TIAM1: variants seen among roughly 807,000 people sequenced by gnomAD.
TIAM1 encodes rho guanine nucleotide exchange factor TIAM1.
A neutral mutation model predicts 163.5 loss-of-function variants in TIAM1; 65 were observed. The observed-to-expected ratio is 0.40, with a 90% CI of 0.33 to 0.49. TIAM1 has a LOEUF of 0.49. TIAM1 is among the 20% of genes least tolerant of loss of function. The pLI is 0.77. For synonymous variants in TIAM1, 833 were observed against 810.1 expected (o/e 1.03, Z -0.48); for missense variants, 1,789 against 2,044.7 (o/e 0.87, Z 2.41).
At chr21:31,267,117 C>G in intron 3 of TIAM1, 134 bp from the exon 4 acceptor site, 1 of 1,257,522 alleles carries the variant, frequency 8.0e-7, no homozygotes, top group South Asian at 1.6e-5. Context: ...AGTAACAGCA[C>G]AACTTCCTAT....
At chr21:31,511,273 A>G (rs965489028) in intron 1 of TIAM1, among the ~76,000 whole-genome samples, 1 of 152,226 alleles carries the variant, frequency 6.6e-6, no homozygotes, top group Admixed American at 6.5e-5. Context: ...GCTGGGCACT[A>G]AAGGTTCAGA....
At chr21:31,529,312 A>C (rs2047900292) in intron 1 of TIAM1, among the ~76,000 whole-genome samples, 1 of 152,124 alleles carries the variant, frequency 6.6e-6, no homozygotes, top group Non-Finnish European at 1.5e-5. Context: ...AAAGCCCTCC[A>C]TCCTATTAGG....
intron 2 of TIAM1, among the ~76,000 whole-genome samples, chr21:31,425,657 CTT>C (rs2043763417): frequency 1.1e-5 from 1 of 94,040 alleles, no homozygotes; most frequent in African/African-American, 4.3e-5. Context: ...CTCTTTCTTT[CTT>C]TCTCTCTCTC....
At chr21:31,518,941 T>A (rs2047473597) in intron 1 of TIAM1, among the ~76,000 whole-genome samples, 1 of 152,266 alleles carries the variant, frequency 6.6e-6, no homozygotes, top group Non-Finnish European at 1.5e-5. Context: ...ACGCCTGTAA[T>A]CCCAACACTT....
At chr21:31,437,516 A>AAAAAAAAAAAAAG (rs553022193) in intron 2 of TIAM1, among the ~76,000 whole-genome samples, 27 of 150,984 alleles carry the variant, frequency 1.8e-4, no homozygotes, top group African/African-American at 6.4e-4. Context: ...AAAAAAAAAA[A>AAAAAAAAAAAAAG]GCAACTACAT....
At chr21:31,306,984 A>T (rs2146974110) in intron 2 of TIAM1, among the ~76,000 whole-genome samples, 1 of 152,346 alleles carries the variant, frequency 6.6e-6, no homozygotes, top group Admixed American at 6.5e-5. Context: ...CGAATGATTT[A>T]GAGAAAATAA....
intron 2 of TIAM1, among the ~76,000 whole-genome samples, chr21:31,394,089 T>C (rs2077011639): frequency 1.3e-5 from 2 of 152,180 alleles, no homozygotes. Flanking sequence ...TTGCTAAAAC[T>C]AGGAAGCAGC....
intron 15 of TIAM1, among the ~76,000 whole-genome samples, chr21:31,172,622 C>T (rs182889641): frequency 2.0e-5 from 3 of 152,194 alleles, no homozygotes; most frequent in Admixed American, 1.3e-4. Flanking sequence ...GAAGAGGGCT[C>T]GGTCTAGAGA....
chr21:31,546,887 A>C (rs1486238239), intron 1 of TIAM1, among the ~76,000 whole-genome samples: 3 of 152,176 alleles, frequency 2.0e-5, no homozygotes, highest in Admixed American at 1.3e-4. Context: ...TATACCCTTG[A>C]AACAACTTTC....
At chr21:31,358,208 A>G (rs1408059834) in intron 2 of TIAM1, among the ~76,000 whole-genome samples, 4 of 152,154 alleles carry the variant, frequency 2.6e-5, no homozygotes, top group Non-Finnish European at 5.9e-5. Context: ...TGGTCATATC[A>G]GCCTCTGCAG....
intron 1 of TIAM1, among the ~76,000 whole-genome samples, chr21:31,475,025 T>TTTATTATTATTATTATTATTATTATTA (rs550390061): frequency 1.7e-5 from 2 of 118,690 alleles, no homozygotes; most frequent in East Asian, 2.2e-4. Context: ...GAGCTAGTTT[T>TTTATTATTATTATTATTATTATTATTA]TTATTATTAT....
intron 14 of TIAM1, among the ~76,000 whole-genome samples, chr21:31,186,771 A>G (rs1191699953): frequency 6.6e-6 from 1 of 152,058 alleles, no homozygotes; most frequent in African/African-American, 2.4e-5. Context: ...ATAGAGCAAG[A>G]CCTTGTCTCT....
intron 2 of TIAM1, among the ~76,000 whole-genome samples, chr21:31,462,529 T>C (rs7279358): frequency 0.24 from 36,299 of 152,074 alleles, 4,451 homozygotes; most frequent in South Asian, 0.28. Context: ...TTTTTGCCCC[T>C]GAAAGTAATG....
At chr21:31,155,718 A>T (rs565404871) in intron 16 of TIAM1, among the ~76,000 whole-genome samples, 1 of 151,860 alleles carries the variant, frequency 6.6e-6, no homozygotes, top group African/African-American at 2.4e-5. Context: ...GTTGGCCAGG[A>T]TGGTCTCAAT....
In TIAM1 at chr21:31,442,234, T is replaced by G. The variant is rs1206712371; in HGVS notation, c.-369+21749A>C. On this transcript the variant is annotated intron_variant, in intron 2 of 28. Transcript: ENST00000286827. ...AGACGTAACGTCAGGAGTAGGGAGT[T>G]TTTTTTTTTTTTTTTTGAAACAGAG... is the stretch of plus-strand genomic sequence containing the variant. Among the ~76,000 whole-genome samples, 35 of 133,270 alleles carry G rather than the reference T, an allele frequency of 2.6e-4. 1 individual carries two copies. The highest frequency in any genetic ancestry group is 9.3e-4 in the African/African-American group (32 of 34,292). The allele number at this position is 133,270 out of a possible 152,430, so 87.4% of individuals were successfully genotyped here.
At chr21:31,146,403 CA>C (rs10542614) in intron 20 of TIAM1, among the ~76,000 whole-genome samples, 36,744 of 89,444 alleles carry the variant, frequency 0.41, 5,319 homozygotes, top group Non-Finnish European at 0.45. Flanking sequence ...GGCTCTGTGT[CA>C]AAAAAAAAAA....
At chr21:31,271,946 A>G (rs571962823) in intron 3 of TIAM1, among the ~76,000 whole-genome samples, 3 of 152,348 alleles carry the variant, frequency 2.0e-5, no homozygotes, top group African/African-American at 7.2e-5. Context: ...AATCACCTTA[A>G]GGGCCTTTAA....
At chr21:31,452,463 G>A (rs575132875) in intron 2 of TIAM1, 22 of 499,438 alleles carry the variant, frequency 4.4e-5, no homozygotes, top group Middle Eastern at 1.3e-3. Context: ...GGTTATAAGC[G>A]CCATGGCTAT....
chr21:31,249,329 C>A (rs2146735687), intron 5 of TIAM1, among the ~76,000 whole-genome samples: 1 of 152,178 alleles, frequency 6.6e-6, no homozygotes, highest in East Asian at 1.9e-4. Flanking sequence ...GAAACCAACC[C>A]TGCCAACACC....
Sources: gnomAD v4.1 joint callset for allele counts (sites outside exome capture counted in the v4.1 genomes callset) on GRCh38, gnomAD v4.1.1 for gene constraint, MANE v1.5 for transcripts, NCBI Gene and HGNC (gene_info 2026-07-23, HGNC 2026-07-21) for gene names.